Variants in HMCN2 observed in about 807,000 individuals in gnomAD.
HMCN2 encodes the protein hemicentin-2.
In HMCN2, 325 loss-of-function variants were observed where a neutral mutation model predicts 377.5. The observed-to-expected ratio is 0.86, with a 90% CI of 0.79 to 0.94. The LOEUF (loss-of-function observed/expected upper bound fraction) is 0.94, where lower values mean the gene tolerates loss of function less well. Ranked by LOEUF, HMCN2 falls within the 40% of genes least tolerant of loss-of-function variation. The probability of loss-of-function intolerance (pLI) is 0.00; values close to 1 mark genes in which losing one functional copy is unlikely to be tolerated. For missense variants in HMCN2, 4,543 were observed against 4,725.3 expected (o/e 0.96, Z 1.13); for synonymous variants, 2,007 against 2,046.8 (o/e 0.98, Z 0.53).
At position 130,391,083 on chromosome 9, in the gene HMCN2, G is replaced by C. The variant is rs1299732576; in HGVS notation, c.9630G>C (p.Gln3210His). ...GTYTCVAENT[Q>H]AEARKDFVVA... ...ACACGTGCGTGGCTGAGAACACCCA[G>C]GCTGAGGCCCGCAAGGACTTCGTGG... The change falls in exon 63 of 98, where the codon CAG becomes CAC. Residue 3210 changes from glutamine to histidine, a missense_variant. Transcript: ENST00000683500. 1.0e-6 allele frequency: 1 copy of C among 987,708 alleles called. No individual in the cohort carries two copies. Among genetic ancestry groups the C allele is most frequent in the East Asian group, 1.1e-4 (1 of 8,806 alleles). The allele number at this position is 987,708 out of a possible 1,614,324, so 61.2% of individuals were successfully genotyped here.
chr9:130,348,475 A>T (rs1839510067), intron 26 of HMCN2, 70 bp from the exon 27 acceptor site: 1 of 1,275,378 alleles, frequency 7.8e-7, no homozygotes, highest in African/African-American at 1.5e-5. Context: ...GGAATGGCCC[A>T]GATGAGGTCC....
intron 1 of HMCN2, 36 bp downstream of exon 1, chr9:130,266,173 C>T (rs782390791): frequency 3.2e-4 from 145 of 449,834 alleles, no homozygotes; most frequent in Non-Finnish European, 1.9e-4. Context: ...CGGGCGCCCC[C>T]TTCGAGGTGC....
In HMCN2 at chr9:130,312,508, C is replaced by CCTCT. The variant is rs1837303081; in HGVS notation, c.2350+2450_2350+2451insTCTC. ...TTCTCTCTCTCTCTTTCTTTCTGTC[C>CCTCT]CTCCCTCCCTCCCTCCCTCCCTCCC... On this transcript the variant is annotated intron_variant, in intron 15 of 97. Transcript: ENST00000683500. Among the ~76,000 whole-genome samples the CCTCT allele has an allele frequency of 9.5e-5, 3 of 31,414 alleles. 1 individual carries two copies. Among genetic ancestry groups the CCTCT allele is most frequent in the African/African-American group, 4.5e-4 (3 of 6,676 alleles). The allele number at this position is 31,414 out of a possible 152,430, so 20.6% of individuals were successfully genotyped here.
Position 130,385,562 on chromosome 9 carries a change from C to T in HMCN2, c.9109C>T (p.Pro3037Ser), listed in dbSNP as rs1274976877. 1.5e-6 allele frequency: 2 copies of T among 1,303,652 alleles called. No individual in the cohort carries two copies. Among genetic ancestry groups the T allele is most frequent in the South Asian group, 2.5e-5 (2 of 81,010 alleles). 80.8% of individuals were successfully genotyped at this position (1,303,652 alleles called of 1,614,324 possible). Residue 3037 changes from proline (P) to serine (S), a missense_variant and splice_region_variant, in exon 60 of 98, where the codon CCC becomes TCC. Around this residue, in one of 5 missense-constraint regions of HMCN2, gnomAD observed 736 missense variants for 773.2 expected, o/e 0.95. Transcript: ENST00000683500. Reference protein sequence around the residue: ...QKLVQLSVLVPPAFRQAPRGP... With the variant: ...QKLVQLSVLVSPAFRQAPRGP... ...ACTCTGCTATCTCCTGCCCCCAGTT[C>T]CCCCGGCCTTCAGGCAGGCTCCCAG...
At position 130,360,015 on chromosome 9, in the gene HMCN2, C is replaced by A. The variant is rs917278103; in HGVS notation, c.5774-413C>A. The stretch of plus-strand genomic sequence containing the variant: ...CTGCTGCTTTGGGCTGGTCCATGTT[C>A]TCTAATGCCCCCTAGGGGACGGGGT... On this transcript the variant is annotated intron_variant, in intron 37 of 97. Coordinates refer to ENST00000683500, the MANE Select transcript of HMCN2 (RefSeq NM_001291815.2). This position sits in a 1 kb window ranked among gnomAD's most constrained non-coding sequence, Gnocchi z 4.7. 1.3e-5 allele frequency among the ~76,000 whole-genome samples: 2 copies of A among 152,122 alleles called. No homozygotes were observed. The highest frequency in any genetic ancestry group is 2.9e-5 in the Non-Finnish European group (2 of 68,004).
At position 130,354,917 on chromosome 9, in the gene HMCN2, G is replaced by A. The variant is rs1037831198; in HGVS notation, c.5019G>A (p.Ser1673=). The part of the protein sequence containing the change: ...EGLPVAESNE[S]RLETDGSVLR... ...TGCCCGTGGCAGAGAGCAACGAGTC[G>A]CGGCTGGAGACAGACGGGAGTGTGC... is the stretch of plus-strand genomic sequence containing the variant. Residue 1673 remains serine, a synonymous_variant, in exon 32 of 98, where the codon TCG becomes TCA. Transcript: ENST00000683500. 1.2e-5 allele frequency: 15 copies of A among 1,303,914 alleles called. No individual in the cohort carries two copies. The highest frequency in any genetic ancestry group is 1.1e-4 in the Admixed American group (5 of 43,562). 80.8% of individuals were successfully genotyped at this position (1,303,914 alleles called of 1,614,324 possible).
At chr9:130,419,687 A>G (rs566734075) in intron 86 of HMCN2, 1 of 146,334 alleles carries the variant, frequency 6.8e-6, no homozygotes, top group East Asian at 1.9e-4. Context: ...AGACATCACT[A>G]ATCTATCACC....
At position 130,393,408 on chromosome 9, in the gene HMCN2, C is replaced by G; in HGVS notation, c.10234+99C>G. The G allele has an allele frequency of 2.6e-6, 2 of 759,086 alleles. No individual in the cohort carries two copies. The highest frequency in any genetic ancestry group is 5.4e-5 in the South Asian group (1 of 18,438). The allele number at this position is 759,086 out of a possible 1,614,324, so 47.0% of individuals were successfully genotyped here. Reference sequence around the variant, plus strand: ...CCTTCTGGGTGGAACCAAGGATGGGCCCTGGGGGCGTCGAGGAGAGCGGAC... The same window carrying G: ...CCTTCTGGGTGGAACCAAGGATGGGGCCTGGGGGCGTCGAGGAGAGCGGAC... On this transcript the variant is annotated intron_variant, in intron 67 of 97. Transcript: ENST00000683500. The surrounding 1 kb of genome is among the most constrained non-coding windows in gnomAD (Gnocchi z 5.2).
chr9:130,344,364 TGTG>T (rs2088573991), intron 25 of HMCN2, among the ~76,000 whole-genome samples: 1 of 150,222 alleles, frequency 6.7e-6, no homozygotes, highest in Admixed American at 6.6e-5. Context: ...TAGTATGTGG[TGTG>T]TGTGTGTGGT....
At chr9:130,398,455 A>T in intron 74 of HMCN2, 96 bp from the exon 75 acceptor site, 2 of 448,702 alleles carry the variant, frequency 4.5e-6, no homozygotes, top group Non-Finnish European at 5.9e-6. Context: ...TGGGTGGAAG[A>T]CAGTAGGCAG....
chr9:130,401,754 A>AT (rs1241555451), intron 77 of HMCN2, among the ~76,000 whole-genome samples: 2 of 152,126 alleles, frequency 1.3e-5, no homozygotes, highest in African/African-American at 4.8e-5. Flanking sequence ...CAAACCTGTG[A>AT]TTTTCAAACT....
intron 33 of HMCN2, 32 bp from the exon 34 acceptor site, chr9:130,356,056 G>T: frequency 6.5e-6 from 8 of 1,230,378 alleles, no homozygotes; most frequent in African/African-American, 1.6e-5. Context: ...CCTGGTCTCA[G>T]GTTGACACGC....
intron 66 of HMCN2, among the ~76,000 whole-genome samples, chr9:130,392,808 A>G (rs144589180): frequency 0.052 from 7,850 of 152,142 alleles, 240 homozygotes; most frequent in Non-Finnish European, 0.073. Context: ...CATCCTGGCT[A>G]ACACGGTGAA....
chr9:130,301,711 G>A (rs1249550092), intron 8 of HMCN2, among the ~76,000 whole-genome samples: 1 of 152,244 alleles, frequency 6.6e-6, no homozygotes, highest in Non-Finnish European at 1.5e-5. Flanking sequence ...CCCCAGCCTG[G>A]GCTCCGAGGA....
rs1838055593 is a variant in HMCN2, at chr9:130,325,064, T to C, written c.2921-531T>C. Among the ~76,000 whole-genome samples the C allele has an allele frequency of 2.0e-5, 3 of 151,180 alleles. No individual in the cohort carries two copies. The South Asian group carries it at 6.3e-4, about 32-fold the overall frequency. On this transcript the variant is annotated intron_variant, in intron 19 of 97. Coordinates refer to ENST00000683500, the MANE Select transcript of HMCN2 (RefSeq NM_001291815.2). ...TCCCCCAACCTGGCAACCACTGATCTAGTTTTGTCTTTTCTTCTTCTTCTT... is the reference window on the plus strand; with the variant it reads ...TCCCCCAACCTGGCAACCACTGATCCAGTTTTGTCTTTTCTTCTTCTTCTT...
At chr9:130,307,208 G>A (rs1200403682) in intron 13 of HMCN2, among the ~76,000 whole-genome samples, 9 of 152,076 alleles carry the variant, frequency 5.9e-5, no homozygotes, top group African/African-American at 2.2e-4. Context: ...AGGGAGAAGC[G>A]GCTGTCATGC....
rs1588446672 is a variant in HMCN2 at position 130,427,380 on chromosome 9, G to A, written c.13942+5G>A. 4 of 1,550,508 alleles carry A rather than the reference G, an allele frequency of 2.6e-6. No homozygotes were observed. Among genetic ancestry groups the A allele is most frequent in the Non-Finnish European group, 3.5e-6 (4 of 1,147,002 alleles). On this transcript the variant is annotated splice_donor_5th_base_variant and intron_variant, in intron 91 of 97. Transcript: ENST00000683500. ...CCCAGGGAGCGTTTTGTGTGGGTGA[G>A]CGCCCCCAACCCTGGCATGGATGTG...
rs1480324255 is a variant in HMCN2, at chr9:130,393,957, GC to G, written c.10452del (p.Val3485Ter). The G allele has an allele frequency of 1.6e-5, 20 of 1,286,018 alleles. No homozygotes were observed. Among genetic ancestry groups the G allele is most frequent in the Non-Finnish European group, 1.9e-5 (19 of 987,568 alleles). 79.7% of individuals were successfully genotyped at this position (1,286,018 alleles called of 1,614,324 possible). A position where few individuals can be genotyped will look rare whatever the true frequency, so the allele number is the denominator to read the frequency against. ...TGACTCGGGGACCTACTCCTGTGTG[GC>G]CGTGAGCGAGGCGGGGGAAGCCAGG... is the stretch of plus-strand genomic sequence containing the variant. ...AGDSGTYSCVAVSEAGEARRH... is the reference protein window; with the variant it reads ...AGDSGTYSCVXVSEAGEARRH... On this transcript the variant is annotated frameshift_variant, in exon 68 of 98. Transcript: ENST00000683500. LOFTEE classifies it high-confidence loss of function. This position sits in a 1 kb window ranked among gnomAD's most constrained non-coding sequence, Gnocchi z 5.2.
chr9:130,427,070 T>C (rs1844424048), intron 90 of HMCN2, among the ~76,000 whole-genome samples: 1 of 152,240 alleles, frequency 6.6e-6, no homozygotes, highest in Non-Finnish European at 1.5e-5. Context: ...TTCCTGGGGC[T>C]GCCTGACTCA....
Sources: allele counts gnomAD v4.1 joint callset (sites outside exome capture counted in the v4.1 genomes callset), GRCh38; gene constraint gnomAD v4.1.1; regional missense constraint gnomAD v4.1.1; non-coding constraint Gnocchi (gnomAD v3.1); transcripts MANE v1.5; gene names NCBI Gene and HGNC (gene_info 2026-07-23, HGNC 2026-07-21).